The following TRIM14 variants were observed in gnomAD, a reference collection of about 807,000 sequenced individuals.
TRIM14 encodes tripartite motif containing 14, also known as tripartite motif-containing protein 14.
Under a neutral mutation model 44.5 loss-of-function variants are expected in TRIM14, and 28 were observed. The ratio of observed to expected loss-of-function variants is 0.63; its 90% CI spans 0.47 to 0.86. The LOEUF is 0.86. Among genes scored for constraint, TRIM14 ranks in the 40% least tolerant of loss-of-function variants. TRIM14 has a pLI of 0.00. For synonymous variants in TRIM14, 299 were observed against 269.2 expected (o/e 1.11, Z -1.08); for missense variants, 607 against 611.1 (o/e 0.99, Z 0.07).
At chr9:98,069,998 A>T (rs1363652172) in intron 6 of TRIM14, among the ~76,000 whole-genome samples, 1 of 152,236 alleles carries the variant, frequency 6.6e-6, no homozygotes, top group Non-Finnish European at 1.5e-5. Context: ...AGACATTACC[A>T]TTGGGGGAAA....
the TRIM14 span, among the ~76,000 whole-genome samples, chr9:98,043,725 C>CAA: frequency 7.7e-6 from 1 of 130,312 alleles, no homozygotes; most frequent in Non-Finnish European, 1.7e-5. Context: ...CACTGGCTTG[C>CAA]AAAAAAAAAA....
downstream of TRIM14, chr9:98,083,078 T>G: frequency 6.2e-7 from 1 of 1,609,196 alleles, no homozygotes; most frequent in Non-Finnish European, 8.5e-7. Context: ...ATTCTCTGAA[T>G]TCTCAGTTCC....
At chr9:98,071,131 A>G (rs916557760) in intron 6 of TRIM14, among the ~76,000 whole-genome samples, 2 of 152,236 alleles carry the variant, frequency 1.3e-5, no homozygotes, top group African/African-American at 4.8e-5. Context: ...ATTTTTAAGA[A>G]TTTGAAGATG....
chr9:98,066,952 C>T (rs1205756471), downstream of TRIM14, among the ~76,000 whole-genome samples: 1 of 152,138 alleles, frequency 6.6e-6, no homozygotes, highest in African/African-American at 2.4e-5. Context: ...CGTCCAGCCT[C>T]AAATTTCTGT....
rs1182300525 is a variant in TRIM14 at position 98,086,643 on chromosome 9, A to T, written c.*827T>A. The T allele has an allele frequency of 6.6e-6, 1 of 152,184 alleles. No homozygotes were observed. Among genetic ancestry groups the T allele is most frequent in the South Asian group, 2.1e-4 (1 of 4,826 alleles). 9.4% of individuals were successfully genotyped at this position (152,184 alleles called of 1,614,324 possible). Reference sequence around the variant, plus strand: ...GCAGGTAAGCCTGCGGAAGACTGAGACAGGTGAAAAGACTTTTCTGCATGA... The same window carrying T: ...GCAGGTAAGCCTGCGGAAGACTGAGTCAGGTGAAAAGACTTTTCTGCATGA... On this transcript the variant is annotated 3_prime_UTR_variant, in exon 6 of 6. Coordinates refer to ENST00000341469, the MANE Select transcript of TRIM14 (RefSeq NM_014788.4).
At chr9:98,107,255 G>C (rs1346743608) in intron 2 of TRIM14, among the ~76,000 whole-genome samples, 2 of 152,244 alleles carry the variant, frequency 1.3e-5, no homozygotes, top group East Asian at 1.9e-4. Flanking sequence ...AAACAGGCAG[G>C]TGCCATATGA....
chr9:98,075,787 G>C (rs1193221675), intron 6 of TRIM14: 1 of 152,114 alleles, frequency 6.6e-6, no homozygotes, highest in Non-Finnish European at 1.5e-5. Flanking sequence ...GTATACTTAA[G>C]TCCCAACTCA....
the TRIM14 span, among the ~76,000 whole-genome samples, chr9:98,044,249 T>G: frequency 6.6e-6 from 1 of 151,940 alleles, no homozygotes; most frequent in African/African-American, 2.4e-5. Flanking sequence ...AAACTAATTT[T>G]GGTGAGGGTT....
chr9:98,099,672 A>C (rs1190338566), intron 3 of TRIM14, among the ~76,000 whole-genome samples: 1 of 152,168 alleles, frequency 6.6e-6, no homozygotes, highest in Non-Finnish European at 1.5e-5. Context: ...TATTAGTGCT[A>C]AACTACACAG....
intron 6 of TRIM14, among the ~76,000 whole-genome samples, chr9:98,070,274 T>G (rs773195982): frequency 6.6e-6 from 1 of 152,058 alleles, no homozygotes; most frequent in Non-Finnish European, 1.5e-5. Flanking sequence ...TATGCCACCA[T>G]GCCCAGCTAA....
chr9:98,061,048 G>C, the TRIM14 span: 1 of 1,575,522 alleles, frequency 6.3e-7, no homozygotes, highest in Non-Finnish European at 8.7e-7. Flanking sequence ...CCAAGGGTCA[G>C]CAGGCAGCCT....
chr9:98,080,904 G>T (rs955852920), downstream of TRIM14: 2 of 1,614,096 alleles, frequency 1.2e-6, no homozygotes, highest in African/African-American at 2.7e-5. Context: ...GTGGCTCTGG[G>T]GGCCAAGGTG....
downstream of TRIM14, among the ~76,000 whole-genome samples, chr9:98,068,184 GAGTGC>G (rs1342412992): frequency 1.3e-5 from 2 of 151,940 alleles, no homozygotes; most frequent in Non-Finnish European, 2.9e-5. Context: ...ACCCAGACTG[GAGTGC>G]AGTGGTATAA....
At chr9:98,110,930 C>T (rs935314877) in intron 1 of TRIM14, among the ~76,000 whole-genome samples, 3 of 148,270 alleles carry the variant, frequency 2.0e-5, no homozygotes, top group Admixed American at 6.6e-5. Context: ...ACCTGTAGTC[C>T]TAACTACTTG....
intron 5 of TRIM14, among the ~76,000 whole-genome samples, chr9:98,089,911 A>G (rs190874450): frequency 1.6e-3 from 243 of 152,330 alleles, no homozygotes; most frequent in Non-Finnish European, 1.9e-3. Context: ...TTAGAATAAA[A>G]CCACTTTCTT....
At chr9:98,088,352 T>TTC (rs926209355) in intron 5 of TRIM14, among the ~76,000 whole-genome samples, 1 of 143,704 alleles carries the variant, frequency 7.0e-6, no homozygotes, top group African/African-American at 2.7e-5. Context: ...TAGCTTTTCT[T>TTC]TTTCTTTTTT....
At chr9:98,077,374 AT>A (rs76602477) in intron 6 of TRIM14, among the ~76,000 whole-genome samples, 2,102 of 140,778 alleles carry the variant, frequency 0.015, 16 homozygotes, top group Non-Finnish European at 0.016. Context: ...CTTTTTAAGA[AT>A]TTTTTTTTTT....
chr9:98,108,003 C>T (rs1304104391), intron 2 of TRIM14, among the ~76,000 whole-genome samples: 3 of 151,754 alleles, frequency 2.0e-5, no homozygotes, highest in Non-Finnish European at 1.5e-5. Context: ...ATGGAATAGC[C>T]TGCATTTTGA....
At chr9:98,070,807 A>ATT (rs11464981) in intron 6 of TRIM14, among the ~76,000 whole-genome samples, 3,311 of 144,768 alleles carry the variant, frequency 0.023, 52 homozygotes, top group Middle Eastern at 0.051. Context: ...CTCTTTAGTA[A>ATT]TTTTTTTTTT....
Sources: gnomAD v4.1 joint callset for allele counts (sites outside exome capture counted in the v4.1 genomes callset) on GRCh38, gnomAD v4.1.1 for gene constraint, MANE v1.5 for transcripts, NCBI Gene and HGNC (gene_info 2026-07-23, HGNC 2026-07-21) for gene names.